Variants in SIRPD observed in about 807,000 individuals in gnomAD.
SIRPD encodes signal regulatory protein delta, also known as signal-regulatory protein delta.
Under a neutral mutation model 18.0 loss-of-function variants are expected in SIRPD, and 21 were observed. The ratio of observed to expected loss-of-function variants is 1.17; its 90% CI spans 0.83 to 1.68. SIRPD has a LOEUF of 1.68. SIRPD is among the 40% of genes most tolerant of loss of function. The probability of loss-of-function intolerance (pLI) is 0.00; values close to 1 mark genes in which losing one functional copy is unlikely to be tolerated. For synonymous variants in SIRPD, 106 were observed against 92.9 expected (o/e 1.14, Z -0.81); for missense variants, 295 against 238.4 (o/e 1.24, Z -1.56).
At chr20:1,547,522 G>A (rs1394513207) in intron 2 of SIRPD, among the ~76,000 whole-genome samples, 2 of 152,214 alleles carry the variant, frequency 1.3e-5, no homozygotes, top group South Asian at 2.1e-4. Flanking sequence ...CTCCCAAAGT[G>A]CTGGGATTAC....
chr20:1,554,184 G>A (rs144775123), intron 1 of SIRPD: 3 of 152,788 alleles, frequency 2.0e-5, no homozygotes, highest in East Asian at 1.9e-4. Context: ...CACAAGACAG[G>A]CCCTTCTGGG....
At chr20:1,552,892 A>C (rs2091025660) in intron 1 of SIRPD, among the ~76,000 whole-genome samples, 1 of 152,150 alleles carries the variant, frequency 6.6e-6, no homozygotes, top group Non-Finnish European at 1.5e-5. Context: ...TTCCATTGCC[A>C]TTTTGGCATT....
intron 2 of SIRPD, among the ~76,000 whole-genome samples, chr20:1,537,769 C>A (rs1459725249): frequency 1.3e-5 from 2 of 152,198 alleles, no homozygotes; most frequent in African/African-American, 4.8e-5. Context: ...GAGGCTTTGG[C>A]TCTTCAAAGT....
At chr20:1,549,687 AT>A (rs1259339888) in intron 2 of SIRPD, among the ~76,000 whole-genome samples, 1 of 152,004 alleles carries the variant, frequency 6.6e-6, no homozygotes, top group Non-Finnish European at 1.5e-5. Flanking sequence ...TTATTTCTTC[AT>A]TTATGATATG....
intron 2 of SIRPD, among the ~76,000 whole-genome samples, chr20:1,550,930 A>T (rs575718365): frequency 2.6e-5 from 4 of 152,372 alleles, no homozygotes; most frequent in Admixed American, 2.6e-4. Context: ...GATATTGCCC[A>T]AATTTCACAG....
intron 2 of SIRPD, among the ~76,000 whole-genome samples, chr20:1,541,020 T>G (rs2090968787): frequency 6.6e-6 from 1 of 152,224 alleles, no homozygotes; most frequent in African/African-American, 2.4e-5. Flanking sequence ...TGCCACATTT[T>G]CTTTATCTAT....
chr20:1,535,984 G>A (rs1444881633), intron 3 of SIRPD, among the ~76,000 whole-genome samples: 1 of 152,192 alleles, frequency 6.6e-6, no homozygotes, highest in Admixed American at 6.5e-5. Flanking sequence ...ATTCTAGGAA[G>A]CGCACACCAT....
chr20:1,546,101 G>A (rs113115217), intron 2 of SIRPD, among the ~76,000 whole-genome samples: 51 of 152,334 alleles, frequency 3.3e-4, no homozygotes, highest in Non-Finnish European at 6.0e-4. Context: ...GGGGGTCAGC[G>A]ACCCACTTGA....
intron 1 of SIRPD, among the ~76,000 whole-genome samples, chr20:1,555,986 A>G (rs948772725): frequency 1.3e-5 from 2 of 152,182 alleles, no homozygotes; most frequent in Admixed American, 1.3e-4. Context: ...TTGTGGTTGT[A>G]GGACTGAGGC....
chr20:1,551,265 CCTGGAGCAACACAGTTG>C (rs2091017610), intron 2 of SIRPD, among the ~76,000 whole-genome samples: 1 of 152,162 alleles, frequency 6.6e-6, no homozygotes, highest in Non-Finnish European at 1.5e-5. Flanking sequence ...GCTTAAAGCA[CCTGGAGCAACACAGTTG>C]CTTGTTTCCA....
rs200613756 is a variant in SIRPD, at chr20:1,557,573, C to G, written c.73+8G>C. On this transcript the variant is annotated splice_region_variant and intron_variant, in intron 1 of 3. Coordinates refer to ENST00000381623, the MANE Select transcript of SIRPD (RefSeq NM_178460.3). ...CCCACCACACACATACACTGAGGCC[C>G]CACTCACCTGCCAGTTCAAGCAGCA... 1 of 1,561,058 alleles carries G rather than the reference C, an allele frequency of 6.4e-7. No homozygotes were observed. The highest frequency in any genetic ancestry group is 1.4e-5 in the African/African-American group (1 of 73,356).
chr20:1,550,451 A>G (rs2091013939), intron 2 of SIRPD, among the ~76,000 whole-genome samples: 1 of 152,182 alleles, frequency 6.6e-6, no homozygotes, highest in Non-Finnish European at 1.5e-5. Context: ...GCTATCATAT[A>G]CTGAAGGTTT....
chr20:1,552,088 CA>C lies in SIRPD; in HGVS notation c.74-51del, dbSNP rs1176707565. The C allele has an allele frequency of 2.7e-6, 4 of 1,506,610 alleles. No homozygotes were observed. The Admixed American group carries it at 6.9e-5, about 26-fold the overall frequency. 93.3% of individuals were successfully genotyped at this position (1,506,610 alleles called of 1,614,324 possible). A position where few individuals can be genotyped will look rare whatever the true frequency, so the allele number is the denominator to read the frequency against. ...CTCATTTCCCCTGTTCTGGCTTAAGCATGGGTACGGGTCACGGTTGGGCCTC... is the reference window on the plus strand; with the variant it reads ...CTCATTTCCCCTGTTCTGGCTTAAGCTGGGTACGGGTCACGGTTGGGCCTC... On this transcript the variant is annotated intron_variant, in intron 1 of 3. Coordinates refer to ENST00000381623, the MANE Select transcript of SIRPD (RefSeq NM_178460.3).
chr20:1,557,552 C>T (rs774548412), intron 1 of SIRPD, 29 bp downstream of exon 1: 6 of 1,496,986 alleles, frequency 4.0e-6, no homozygotes, highest in East Asian at 2.5e-5. Context: ...GGAGAACCCA[C>T]CACACACATA....
intron 1 of SIRPD, chr20:1,554,112 T>G (rs2091029976): frequency 6.5e-6 from 1 of 152,676 alleles, no homozygotes; most frequent in Admixed American, 6.5e-5. Flanking sequence ...GGAGTTACTC[T>G]GGGGAAGTGG....
chr20:1,539,931 T>G (rs904528026), intron 2 of SIRPD, among the ~76,000 whole-genome samples: 2 of 152,232 alleles, frequency 1.3e-5, no homozygotes, highest in African/African-American at 4.8e-5. Flanking sequence ...ACACCTTGAT[T>G]GCAGCCTTAA....
In SIRPD at chr20:1,551,993, G is replaced by T. The variant is rs2091021604; in HGVS notation, c.119C>A (p.Thr40Asn). Residue 40 changes from threonine (T) to asparagine (N), a missense_variant, in exon 2 of 4, where the codon ACT becomes AAT. Transcript: ENST00000381623. ...GATGATTGACTCCCCAGTTGATACA[G>T]TCTGTGACATCTCCGTTTGTTGCAC... ...FHVQQTEMSQ[T>N]VSTGESIILS... 1 of 1,614,056 alleles carries T rather than the reference G, an allele frequency of 6.2e-7. No individual in the cohort carries two copies. Among genetic ancestry groups the T allele is most frequent in the African/African-American group, 1.3e-5 (1 of 75,036 alleles).
chr20:1,555,725 C>T (rs2091037606), intron 1 of SIRPD, among the ~76,000 whole-genome samples: 1 of 152,246 alleles, frequency 6.6e-6, no homozygotes, highest in Non-Finnish European at 1.5e-5. Context: ...GTTTTGCCAT[C>T]TTACTCGGTA....
In SIRPD at chr20:1,537,146, G is replaced by C; in HGVS notation, c.577+9C>G. Reference sequence around the variant, plus strand: ...CTGCATCATGGTACCTGAGGGTGGGGGCACTCACCTGTGAGTCCCAGCAGC... The same window carrying C: ...CTGCATCATGGTACCTGAGGGTGGGCGCACTCACCTGTGAGTCCCAGCAGC... On this transcript the variant is annotated intron_variant, in intron 3 of 3. Transcript: ENST00000381623. The C allele has an allele frequency of 6.2e-7, 1 of 1,613,040 alleles. No homozygotes were observed. The highest frequency in any genetic ancestry group is 8.5e-7 in the Non-Finnish European group (1 of 1,179,324).
Sources: gnomAD v4.1 joint callset for allele counts (sites outside exome capture counted in the v4.1 genomes callset) on GRCh38, gnomAD v4.1.1 for gene constraint, MANE v1.5 for transcripts, NCBI Gene and HGNC (gene_info 2026-07-23, HGNC 2026-07-21) for gene names.